ZRANB3: variants seen among roughly 807,000 people sequenced by gnomAD.
ZRANB3 encodes the protein DNA annealing helicase and endonuclease ZRANB3.
Under a neutral mutation model 133.8 loss-of-function variants are expected in ZRANB3, and 125 were observed. The ratio of observed to expected loss-of-function variants is 0.93; its 90% confidence interval spans 0.81 to 1.08. ZRANB3 has a LOEUF of 1.08. ZRANB3 is among the 50% of genes least tolerant of loss of function. The pLI is 0.00. For missense variants in ZRANB3, 1,229 were observed against 1,275.5 expected (o/e 0.96, Z 0.56); for synonymous variants, 387 against 432.7 (o/e 0.89, Z 1.31).
intron 6 of ZRANB3, among the ~76,000 whole-genome samples, chr2:135,338,042 C>T (rs533813100): frequency 1.8e-4 from 27 of 152,216 alleles, no homozygotes; most frequent in African/African-American, 4.3e-4. Flanking sequence ...GACTGTGCTG[C>T]GTATTTTTTA....
intron 3 of ZRANB3, among the ~76,000 whole-genome samples, chr2:135,378,241 C>T (rs894004427): frequency 1.3e-5 from 2 of 152,082 alleles, no homozygotes; most frequent in African/African-American, 4.8e-5. Flanking sequence ...ACCTGTAATC[C>T]CAGCACTTTG....
At chr2:135,201,664 CAAA>C (rs1286669177) in intron 20 of ZRANB3, among the ~76,000 whole-genome samples, 4 of 66,940 alleles carry the variant, frequency 6.0e-5, no homozygotes, top group Admixed American at 1.7e-4. Flanking sequence ...GACTCTGTCT[CAAA>C]AAAAAAAAAA....
At chr2:135,209,199 C>A (rs1282569560) in intron 17 of ZRANB3, among the ~76,000 whole-genome samples, 2 of 152,108 alleles carry the variant, frequency 1.3e-5, no homozygotes, top group African/African-American at 4.8e-5. Flanking sequence ...TCTCAAATTT[C>A]TTTTTCTAAG....
Position 135,478,156 on chromosome 2 carries a change from A to T in ZRANB3, c.161+26173T>A, listed in dbSNP as rs970671829. Among the ~76,000 whole-genome samples the T allele has an allele frequency of 4.6e-5, 7 of 152,060 alleles. No individual in the cohort carries two copies. In the East Asian group the frequency reaches 1.2e-3, roughly 25 times the overall value. ...TATTTCGATAGTGTCTATGCTTAAA[A>T]ATATATATATACATACACACGTCTA... On this transcript the variant is annotated intron_variant, in intron 2 of 20. Transcript: ENST00000264159.
At chr2:135,243,163 G>T (rs1263282089) in intron 12 of ZRANB3, among the ~76,000 whole-genome samples, 1 of 152,160 alleles carries the variant, frequency 6.6e-6, no homozygotes, top group Non-Finnish European at 1.5e-5. Flanking sequence ...TTTTTGCTTG[G>T]TCTAGTCAAT....
chr2:135,427,928 T>G (rs1689164335), intron 2 of ZRANB3, among the ~76,000 whole-genome samples: 1 of 151,838 alleles, frequency 6.6e-6, no homozygotes, highest in South Asian at 2.1e-4. Flanking sequence ...TTCAACAAAG[T>G]TAACAAAAAA....
At chr2:135,273,183 C>CA (rs1330250618) in intron 9 of ZRANB3, among the ~76,000 whole-genome samples, 131 of 78,800 alleles carry the variant, frequency 1.7e-3, no homozygotes, top group South Asian at 2.4e-3. Context: ...GAGACTGTCT[C>CA]AAAAAAAAAA....
chr2:135,511,729 T>C (rs1249098523), intron 1 of ZRANB3: 3 of 765,426 alleles, frequency 3.9e-6, no homozygotes, highest in Non-Finnish European at 7.3e-6. Context: ...GGTGTGGCAG[T>C]TGCTGAAGTT....
chr2:135,449,440 G>A lies in ZRANB3; in HGVS notation c.161+54889C>T, dbSNP rs369102440. Among the ~76,000 whole-genome samples, 40 of 152,092 alleles carry A rather than the reference G, an allele frequency of 2.6e-4. No homozygotes were observed. The East Asian group carries it at 7.0e-3, about 27-fold the overall frequency. ...TTCGAGACCATCCTGGCCAACATGC[G>A]GAAACCCCGTCTCTACTAAAAATAC... On this transcript the variant is annotated intron_variant, in intron 2 of 20. Coordinates refer to ENST00000264159, the MANE Select transcript of ZRANB3 (RefSeq NM_032143.4).
chr2:135,323,220 T>C lies in ZRANB3; in HGVS notation c.678-7690A>G, dbSNP rs544684265. 5.3e-5 allele frequency among the ~76,000 whole-genome samples: 8 copies of C among 152,328 alleles called. No homozygotes were observed. In the South Asian group the frequency reaches 6.2e-4, roughly 12 times the overall value. On this transcript the variant is annotated intron_variant, in intron 6 of 20. Transcript: ENST00000264159. ...CACATAAGTTTAACAATGAAACAGT[T>C]TGACACATGATAGAATTGGGGGAAA...
chr2:135,356,409 T>C (rs537061056), intron 3 of ZRANB3, among the ~76,000 whole-genome samples: 1 of 152,246 alleles, frequency 6.6e-6, no homozygotes, highest in African/African-American at 2.4e-5. Context: ...ATATAATTTT[T>C]ATTTGTCAAA....
intron 3 of ZRANB3, among the ~76,000 whole-genome samples, chr2:135,376,863 A>G (rs551821198): frequency 6.6e-6 from 1 of 152,386 alleles, no homozygotes; most frequent in South Asian, 2.1e-4. Flanking sequence ...AGGAGGGCAA[A>G]GATACCAGGA....
At chr2:135,502,630 G>A (rs774973966) in intron 2 of ZRANB3, among the ~76,000 whole-genome samples, 1 of 152,118 alleles carries the variant, frequency 6.6e-6, no homozygotes, top group Non-Finnish European at 1.5e-5. Context: ...TTTCTACTCC[G>A]CCATAGTGAG....
In ZRANB3 at chr2:135,210,070, G is replaced by A. The variant is rs1392302925; in HGVS notation, c.2496-1092C>T. The stretch of plus-strand genomic sequence containing the variant: ...CCCCTCCCCAAAAGTTACCTCTGTT[G>A]GCAGTTTTGTTTTTATTTTATTTTG... On this transcript the variant is annotated intron_variant, in intron 17 of 20. Transcript: ENST00000264159. 2.6e-5 allele frequency among the ~76,000 whole-genome samples: 4 copies of A among 151,954 alleles called. No individual in the cohort carries two copies. The East Asian group carries it at 7.7e-4, about 29-fold the overall frequency.
rs1343126616 is a variant in ZRANB3, at chr2:135,436,087, A to T, written c.162-45267T>A. 2.0e-5 allele frequency among the ~76,000 whole-genome samples: 3 copies of T among 152,142 alleles called. No homozygotes were observed. In the East Asian group the frequency reaches 5.8e-4, roughly 29 times the overall value. On this transcript the variant is annotated intron_variant, in intron 2 of 20. Coordinates refer to ENST00000264159, the MANE Select transcript of ZRANB3 (RefSeq NM_032143.4). ...CTGTGTCTAGGATTGTACTGCCTAG[A>T]TTGTCTTCCAGGCTTTTTATAGTTT...
chr2:135,508,913 T>C (rs922696063), intron 1 of ZRANB3, among the ~76,000 whole-genome samples: 1 of 152,130 alleles, frequency 6.6e-6, no homozygotes, highest in African/African-American at 2.4e-5. Context: ...TGTGCATACC[T>C]TTTTAATAAT....
At chr2:135,298,430 C>T (rs1682265103) in intron 8 of ZRANB3, among the ~76,000 whole-genome samples, 1 of 152,084 alleles carries the variant, frequency 6.6e-6, no homozygotes, top group African/African-American at 2.4e-5. Flanking sequence ...TTTCTGGTTC[C>T]TTCTCATTTG....
chr2:135,378,731 C>T (rs1686544651), intron 3 of ZRANB3, among the ~76,000 whole-genome samples: 1 of 152,092 alleles, frequency 6.6e-6, no homozygotes, highest in African/African-American at 2.4e-5. Flanking sequence ...AGCACTTCAC[C>T]TCTATGGTCT....
chr2:135,254,472 G>T (rs1308466827), intron 12 of ZRANB3, among the ~76,000 whole-genome samples: 1 of 152,036 alleles, frequency 6.6e-6, no homozygotes, highest in Non-Finnish European at 1.5e-5. Context: ...CTTTGGCCAG[G>T]TGTCGTGGCT....
Sources: gnomAD v4.1 joint callset for allele counts (sites outside exome capture counted in the v4.1 genomes callset) on GRCh38, gnomAD v4.1.1 for gene constraint, MANE v1.5 for transcripts, NCBI Gene and HGNC (gene_info 2026-07-23, HGNC 2026-07-21) for gene names.